The following ATP1A2 variants were observed in gnomAD, a reference collection of about 807,000 sequenced individuals.
The protein encoded by ATP1A2 is sodium/potassium-transporting ATPase subunit alpha-2.
A neutral mutation model predicts 113.1 loss-of-function variants in ATP1A2; 56 were observed. The ratio of observed to expected loss-of-function variants is 0.49; its 90% CI spans 0.40 to 0.62. ATP1A2 has a LOEUF of 0.62. Ranked by LOEUF, ATP1A2 falls within the 20% of genes least tolerant of loss-of-function variation. The pLI is 0.00. For missense variants in ATP1A2, 712 were observed against 1,357.8 expected, an observed-to-expected ratio of 0.52 and a Z score of 7.47; for synonymous variants, 490 against 526.8, an observed-to-expected ratio of 0.93 and a Z score of 0.96.
chr1:160,121,272 G>A, intron 3 of ATP1A2, 21 bp downstream of exon 3: 4 of 1,614,014 alleles, frequency 2.5e-6, no homozygotes, highest in Non-Finnish European at 3.4e-6. Context: ...GGGCTTCTAG[G>A]GAAGGAACAA....
At chr1:160,130,783 T>G (rs1054942289) in intron 13 of ATP1A2, among the ~76,000 whole-genome samples, 186 bp downstream of exon 13, 5 of 152,216 alleles carry the variant, frequency 3.3e-5, no homozygotes, top group Admixed American at 2.0e-4. Flanking sequence ...TTATCCCTTT[T>G]GCTCAGAGAG....
At chr1:160,123,489 G>C in intron 4 of ATP1A2, 73 bp downstream of exon 4, 1 of 1,588,230 alleles carries the variant, frequency 6.3e-7, no homozygotes. Context: ...ACAGTGGGGG[G>C]TGGGCAGGGA....
chr1:160,139,531 T>TA, intron 20 of ATP1A2, 109 bp from the exon 21 acceptor site: 1 of 921,740 alleles, frequency 1.1e-6, no homozygotes. Context: ...GACATGCGAC[T>TA]ATGTCGTTTA....
chr1:160,130,709 TGACTCA>T, intron 13 of ATP1A2, 112 bp downstream of exon 13: 1 of 1,436,820 alleles, frequency 7.0e-7, no homozygotes, highest in Non-Finnish European at 9.5e-7. Flanking sequence ...TCCTTCCCAC[TGACTCA>T]GAGAAGAAGC....
At position 160,121,225 on chromosome 1, in the gene ATP1A2, C is replaced by G; in HGVS notation, c.151C>G (p.Arg51Gly). 7 of 1,614,170 alleles carry G rather than the reference C, an allele frequency of 4.3e-6. No homozygotes were observed. Among genetic ancestry groups the G allele is most frequent in the Non-Finnish European group, 5.9e-6 (7 of 1,180,022 alleles). Residue 51 changes from arginine (R) to glycine (G), a missense_variant, in exon 3 of 23, where the codon CGC becomes GGC. Transcript: ENST00000361216. ...CAAGCTGTCCTTGGATGAGCTGGGC[C>G]GCAAATACCAAGTGGACCTGTCCAA... is the stretch of plus-strand genomic sequence containing the variant. ...DHKLSLDELGRKYQVDLSKGL... is the reference protein window; with the variant it reads ...DHKLSLDELGGKYQVDLSKGL...
At chr1:160,127,011 G>T (rs1052716236) in intron 7 of ATP1A2, among the ~76,000 whole-genome samples, 4 of 151,822 alleles carry the variant, frequency 2.6e-5, no homozygotes, top group South Asian at 2.1e-4. Flanking sequence ...TTCAAATAAG[G>T]ATTCAAACCC....
At chr1:160,136,141 G>A (rs1651928504) in intron 17 of ATP1A2, 106 bp from the exon 18 acceptor site, 12 of 1,601,078 alleles carry the variant, frequency 7.5e-6, no homozygotes, top group Non-Finnish European at 6.0e-6. Context: ...CTGAATACAC[G>A]CTTTTTTAAC....
rs746478136 is a variant in ATP1A2 at position 160,129,046 on chromosome 1, G to A, written c.1283G>A (p.Arg428His). The A allele has an allele frequency of 7.4e-6, 12 of 1,612,526 alleles. No homozygotes were observed. The highest frequency in any genetic ancestry group is 1.3e-5 in the African/African-American group (1 of 74,886). ...ALSRIAGLCNRAVFKAGQENI... is the reference protein window; with the variant it reads ...ALSRIAGLCNHAVFKAGQENI... ...TCTCGAATTGCTGGTCTCTGCAACC[G>A]CGCCGTCTTCAAGGCAGGACAGGAG... Residue 428 changes from arginine to histidine, a missense_variant, in exon 10 of 23, where the codon CGC becomes CAC. Arg to His is a conservative substitution (Grantham distance 29). Transcript: ENST00000361216.
chr1:160,120,775 C>G (rs960081249), intron 1 of ATP1A2, 131 bp from the exon 2 acceptor site: 1 of 901,896 alleles, frequency 1.1e-6, no homozygotes, highest in African/African-American at 1.7e-5. Flanking sequence ...CTCCATCCCC[C>G]CTATCTCCCC....
intron 1 of ATP1A2, among the ~76,000 whole-genome samples, chr1:160,120,652 A>T (rs1163596047): frequency 6.6e-6 from 1 of 152,154 alleles, no homozygotes; most frequent in African/African-American, 2.4e-5. Context: ...CCAAGCATTA[A>T]ACCACTCAAG....
At chr1:160,129,464 C>T in intron 11 of ATP1A2, 64 bp downstream of exon 11, 1 of 1,596,900 alleles carries the variant, frequency 6.3e-7, no homozygotes, top group Admixed American at 1.7e-5. Context: ...GTGGACAAAG[C>T]CAAGGGGAAT....
In ATP1A2 at chr1:160,124,011, C is replaced by T; in HGVS notation, c.450C>T (p.Ala150=). ...VTGCFSYYQE[A]KSSKIMDSFK... ...GCTGCTTCTCCTACTACCAGGAGGC[C>T]AAGAGCTCCAAGATCATGGATTCCT... The change falls in exon 5 of 23, where the codon GCC becomes GCT. Residue 150 remains alanine, a synonymous_variant. Coordinates refer to ENST00000361216, the MANE Select transcript of ATP1A2 (RefSeq NM_000702.4). The T allele has an allele frequency of 1.2e-6, 2 of 1,614,180 alleles. No homozygotes were observed. The highest frequency in any genetic ancestry group is 1.7e-6 in the Non-Finnish European group (2 of 1,180,038).
chr1:160,132,087 A>G (rs1287859646), intron 13 of ATP1A2, among the ~76,000 whole-genome samples: 1 of 152,196 alleles, frequency 6.6e-6, no homozygotes, highest in Non-Finnish European at 1.5e-5. Context: ...ATGTTTGACA[A>G]AAGGAATGAT....
chr1:160,118,703 A>G (rs575189813), intron 1 of ATP1A2, among the ~76,000 whole-genome samples: 1 of 152,256 alleles, frequency 6.6e-6, no homozygotes, highest in South Asian at 2.1e-4. Flanking sequence ...AGCCTCCAAA[A>G]GCTCATATCT....
intron 3 of ATP1A2, among the ~76,000 whole-genome samples, chr1:160,122,765 T>C (rs145598605): frequency 6.6e-6 from 1 of 152,124 alleles, no homozygotes; most frequent in African/African-American, 2.4e-5. Context: ...AAGGATGCAG[T>C]GAGCTATAAT....
Position 160,140,904 on chromosome 1 carries a change from C to T in ATP1A2, c.3035-390C>T, listed in dbSNP as rs1031127134. 4 of 169,458 alleles carry T rather than the reference C, an allele frequency of 2.4e-5. No homozygotes were observed. In the Admixed American group the frequency reaches 2.6e-4, roughly 11 times the overall value. 10.5% of individuals were successfully genotyped at this position (169,458 alleles called of 1,614,324 possible). ...ACGGAGTCTCGCTCTGTCGCCCAAC[C>T]AGGAGTGCAGTGCAGTGGCACGATC... On this transcript the variant is annotated intron_variant, in intron 22 of 22. Coordinates refer to ENST00000361216, the MANE Select transcript of ATP1A2 (RefSeq NM_000702.4).
At chr1:160,129,191 T>C in intron 10 of ATP1A2, 75 bp from the exon 11 acceptor site, 1 of 1,611,818 alleles carries the variant, frequency 6.2e-7, no homozygotes, top group Non-Finnish European at 8.5e-7. Flanking sequence ...CCTTGGGGGT[T>C]TCAGTGCCGC....
In ATP1A2 at chr1:160,136,357, CTA is replaced by C; in HGVS notation, c.2551_2552del (p.Tyr851ArgfsTer38). The C allele has an allele frequency of 6.2e-7, 1 of 1,614,118 alleles. No homozygotes were observed. The highest frequency in any genetic ancestry group is 1.1e-5 in the South Asian group (1 of 91,066). ...TGAATGAGAGGCTCATCAGCATGGC[CTA>C]CGGACAGATCGGTGCGCCAAGCCCC... The part of the protein sequence containing the change: ...LVNERLISMA[Y>X]GQIGMIQALG... On this transcript the variant is annotated frameshift_variant, in exon 18 of 23. Transcript: ENST00000361216. LOFTEE classifies it high-confidence loss of function.
In ATP1A2 at chr1:160,135,653, C is replaced by T. The variant is rs749260202; in HGVS notation, c.2284+51C>T. The T allele has an allele frequency of 1.2e-6, 2 of 1,612,350 alleles. No individual in the cohort carries two copies. The highest frequency in any genetic ancestry group is 2.2e-5 in the South Asian group (2 of 90,986). On this transcript the variant is annotated intron_variant, in intron 16 of 22. Coordinates refer to ENST00000361216, the MANE Select transcript of ATP1A2 (RefSeq NM_000702.4). This position sits in a 1 kb window ranked among gnomAD's most constrained non-coding sequence, Gnocchi z 6.3. ...GGTTTGCAGGATACTGAAGCCGGCA[C>T]CTCTGTTCCCTGTCCCTTTACCCCA...
Sources: gnomAD v4.1 joint callset for allele counts (sites outside exome capture counted in the v4.1 genomes callset) on GRCh38, gnomAD v4.1.1 for gene constraint, Gnocchi (gnomAD v3.1) non-coding constraint, MANE v1.5 for transcripts, NCBI Gene and HGNC (gene_info 2026-07-23, HGNC 2026-07-21) for gene names.